The following KCNJ9 variants were observed in gnomAD, a reference collection of about 807,000 sequenced individuals.
KCNJ9 encodes the protein G protein-activated inward rectifier potassium channel 3.
A neutral mutation model predicts 27.9 loss-of-function variants in KCNJ9; 18 were observed. The ratio of observed to expected loss-of-function variants is 0.65; its 90% CI spans 0.45 to 0.96. The LOEUF is 0.96. Among genes scored for constraint, KCNJ9 ranks in the 40% least tolerant of loss-of-function variants. KCNJ9 has a pLI of 0.00. For missense variants in KCNJ9, 324 were observed against 557.5 expected (o/e 0.58, Z 4.22); for synonymous variants, 229 against 248.2 (o/e 0.92, Z 0.73).
chr1:160,086,787 C>A (rs562555893), intron 2 of KCNJ9, among the ~76,000 whole-genome samples: 1 of 152,290 alleles, frequency 6.6e-6, no homozygotes, highest in African/African-American at 2.4e-5. Context: ...GAGCAGGCCA[C>A]AGTTGGAAAA....
chr1:160,088,071 C>G lies in KCNJ9; in HGVS notation c.*254C>G, dbSNP rs1314713992. On this transcript the variant is annotated 3_prime_UTR_variant, in exon 3 of 3. Coordinates refer to ENST00000368088, the MANE Select transcript of KCNJ9 (RefSeq NM_004983.3). Reference sequence around the variant, plus strand: ...TCTGTGTTTGACCTTCACATTTGTTCATGAGTGGATGGATGGACAGAATGA... The same window carrying G: ...TCTGTGTTTGACCTTCACATTTGTTGATGAGTGGATGGATGGACAGAATGA... 1.7e-5 allele frequency: 7 copies of G among 401,926 alleles called. No homozygotes were observed. The highest frequency in any genetic ancestry group is 6.2e-4 in the Middle Eastern group (1 of 1,614). 24.9% of individuals were successfully genotyped at this position (401,926 alleles called of 1,614,324 possible). A position where few individuals can be genotyped will look rare whatever the true frequency, so the allele number is the denominator to read the frequency against.
intron 1 of KCNJ9, among the ~76,000 whole-genome samples, chr1:160,083,514 G>A (rs1649717358): frequency 6.6e-6 from 1 of 152,086 alleles, no homozygotes; most frequent in South Asian, 2.1e-4. Flanking sequence ...AGGGCAGGGA[G>A]GGCTCCATTA....
chr1:160,087,372 G>C lies in KCNJ9; in HGVS notation c.851-114G>C, dbSNP rs796467949. 1.2e-5 allele frequency: 16 copies of C among 1,383,116 alleles called. No individual in the cohort carries two copies. In the African/African-American group the frequency reaches 2.2e-4, roughly 19 times the overall value. 85.7% of individuals were successfully genotyped at this position (1,383,116 alleles called of 1,614,324 possible). On this transcript the variant is annotated intron_variant, in intron 2 of 2. Coordinates refer to ENST00000368088, the MANE Select transcript of KCNJ9 (RefSeq NM_004983.3). ...GAAATGGACTGGACCAAAGGGAGGT[G>C]GGAGCCCTTAGGAAGGAATAGAAGG...
At chr1:160,086,589 A>C (rs1040161888) in intron 2 of KCNJ9, among the ~76,000 whole-genome samples, 18 of 152,252 alleles carry the variant, frequency 1.2e-4, no homozygotes, top group African/African-American at 3.4e-4. Context: ...CTTTAAAAAA[A>C]TCACTTATGT....
At position 160,084,616 on chromosome 1, in the gene KCNJ9, C is replaced by T. The variant is rs866523854; in HGVS notation, c.586C>T (p.Arg196Cys). Residue 196 changes from arginine to cysteine, a missense_variant, in exon 2 of 3, where the codon CGC becomes TGC. Arg to Cys is a radical substitution (Grantham distance 180). Coordinates refer to ENST00000368088, the MANE Select transcript of KCNJ9 (RefSeq NM_004983.3). ...CCTCATGTTCCGCGTGGGCGACTTG[C>T]GCTCCTCACACATAGTGGAGGCCTC... ...LCLMFRVGDL[R>C]SSHIVEASIR... 1 of 1,607,464 alleles carries T rather than the reference C, an allele frequency of 6.2e-7. No homozygotes were observed. Among genetic ancestry groups the T allele is most frequent in the South Asian group, 1.1e-5 (1 of 90,084 alleles).
Position 160,084,866 on chromosome 1 carries a change from T to G in KCNJ9, c.836T>G (p.Met279Arg). The G allele has an allele frequency of 6.6e-7, 1 of 1,516,276 alleles. No individual in the cohort carries two copies. Among genetic ancestry groups the G allele is most frequent in the Non-Finnish European group, 8.8e-7 (1 of 1,130,298 alleles). 93.9% of individuals were successfully genotyped at this position (1,516,276 alleles called of 1,614,324 possible). A position where few individuals can be genotyped will look rare whatever the true frequency, so the allele number is the denominator to read the frequency against. Residue 279 changes from methionine to arginine, a missense_variant, in exon 2 of 3, where the codon ATG becomes AGG. Physicochemically the swap from Met to Arg is moderately conservative, Grantham distance 91. This residue lies in a region of KCNJ9 where 241 missense variants were observed against 481.7 expected (regional missense o/e 0.50). Coordinates refer to ENST00000368088, the MANE Select transcript of KCNJ9 (RefSeq NM_004983.3). ...GAGATCGTCGTTATCCTCGAGGGCA[T>G]GGTGGAAGCCACGGGTGCGAGCAGG... is the stretch of plus-strand genomic sequence containing the variant. ...DFEIVVILEG[M>R]VEATGMTCQA...
chr1:160,082,272 C>G (rs1649691246), intron 1 of KCNJ9, among the ~76,000 whole-genome samples: 1 of 152,168 alleles, frequency 6.6e-6, no homozygotes, highest in Non-Finnish European at 1.5e-5. Context: ...TTCTGCATGA[C>G]CTGGGGTCTC....
intron 2 of KCNJ9, 106 bp downstream of exon 2, chr1:160,084,986 G>A (rs2101946269): frequency 7.9e-7 from 1 of 1,269,732 alleles, no homozygotes; most frequent in Non-Finnish European, 1.1e-6. Context: ...GATGGATGGA[G>A]GGGCTGGTGG....
At chr1:160,087,257 A>AG (rs1649792061) in intron 2 of KCNJ9, among the ~76,000 whole-genome samples, 1 of 151,956 alleles carries the variant, frequency 6.6e-6, no homozygotes, top group Non-Finnish European at 1.5e-5. Flanking sequence ...AAATGACAGG[A>AG]GGGGAAAAAA....
intron 2 of KCNJ9, among the ~76,000 whole-genome samples, chr1:160,086,394 G>A (rs1198561135): frequency 6.6e-6 from 1 of 152,196 alleles, no homozygotes; most frequent in Non-Finnish European, 1.5e-5. Flanking sequence ...CGGGCAGGGA[G>A]GACCAGGACA....
At position 160,084,665 on chromosome 1, in the gene KCNJ9, C is replaced by T. The variant is rs1177979618; in HGVS notation, c.635C>T (p.Ser212Leu). ...EASIRAKLIR[S>L]RQTLEGEFIP... is the part of the protein sequence containing the mutation. ...TCCATCCGCGCCAAGCTCATCCGCT[C>T]GCGCCAGACGCTGGAGGGCGAGTTC... The change falls in exon 2 of 3, where the codon TCG becomes TTG. Residue 212 changes from serine (S) to leucine (L), a missense_variant. Ser to Leu is a moderately radical substitution (Grantham distance 145, BLOSUM62 -2). Transcript: ENST00000368088. 1.3e-6 allele frequency: 2 copies of T among 1,595,024 alleles called. No individual in the cohort carries two copies. Among genetic ancestry groups the T allele is most frequent in the African/African-American group, 1.3e-5 (1 of 74,420 alleles).
intron 2 of KCNJ9, among the ~76,000 whole-genome samples, chr1:160,086,695 G>C (rs1374141872): frequency 6.6e-6 from 1 of 152,324 alleles, no homozygotes; most frequent in African/African-American, 2.4e-5. Context: ...CCTCCAAAAT[G>C]ATTATGTAAT....
intron 1 of KCNJ9, among the ~76,000 whole-genome samples, chr1:160,083,090 G>A (rs767652678): frequency 1.3e-5 from 2 of 152,158 alleles, no homozygotes; most frequent in East Asian, 1.9e-4. Context: ...AGAGGGATAC[G>A]AGCCTAACTC....
chr1:160,086,934 G>A (rs1353540068), intron 2 of KCNJ9, among the ~76,000 whole-genome samples: 2 of 152,222 alleles, frequency 1.3e-5, no homozygotes, highest in Non-Finnish European at 2.9e-5. Context: ...GAGAAAACAT[G>A]AGGGAATCTG....
At position 160,083,987 on chromosome 1, in the gene KCNJ9, G is replaced by T. The variant is rs545375299; in HGVS notation, c.-44G>T. ...GCAGGTGGCAGCAGCTCGGGCCCCC[G>T]CCGCACTCCAGGCGCCCGCAGCGCT... is the stretch of plus-strand genomic sequence containing the variant. On this transcript the variant is annotated 5_prime_UTR_variant, in exon 2 of 3. Transcript: ENST00000368088. 9 of 1,228,946 alleles carry T rather than the reference G, an allele frequency of 7.3e-6. No individual in the cohort carries two copies. The African/African-American group carries it at 1.3e-4, about 17-fold the overall frequency. 76.1% of individuals were successfully genotyped at this position (1,228,946 alleles called of 1,614,324 possible).
Position 160,084,446 on chromosome 1 carries a change from T to C in KCNJ9, c.416T>C (p.Leu139Pro). The change falls in exon 2 of 3, where the codon CTG (leucine) becomes CCG (proline). Residue 139 changes from leucine to proline, a missense_variant. By Grantham distance (98) the Leu-to-Pro change is moderately conservative. Transcript: ENST00000368088. ...TDQCPEGIVL[L>P]LLQAILGSMV... The stretch of plus-strand genomic sequence containing the variant: ...CAGTGCCCCGAGGGCATCGTGCTGC[T>C]GCTGCTGCAGGCCATCCTGGGCTCC... The C allele has an allele frequency of 6.2e-7, 1 of 1,613,734 alleles. No individual in the cohort carries two copies. The highest frequency in any genetic ancestry group is 8.5e-7 in the Non-Finnish European group (1 of 1,179,902).
In KCNJ9 at chr1:160,088,269, G is replaced by A. The variant is rs1649822663; in HGVS notation, c.*452G>A. The A allele has an allele frequency of 6.5e-6, 1 of 154,610 alleles. No homozygotes were observed. Among genetic ancestry groups the A allele is most frequent in the Admixed American group, 6.5e-5 (1 of 15,338 alleles). 9.6% of individuals were successfully genotyped at this position (154,610 alleles called of 1,614,324 possible). The stretch of plus-strand genomic sequence containing the variant: ...TCCAGACAGATACAGCCCCAAACCA[G>A]GGTGCATGGCTTGGGGAGCAGAGTA... On this transcript the variant is annotated 3_prime_UTR_variant, in exon 3 of 3. Coordinates refer to ENST00000368088, the MANE Select transcript of KCNJ9 (RefSeq NM_004983.3).
rs1467784139 is a variant in KCNJ9, at chr1:160,088,756, A to C, written c.*939A>C. On this transcript the variant is annotated 3_prime_UTR_variant, in exon 3 of 3. Coordinates refer to ENST00000368088, the MANE Select transcript of KCNJ9 (RefSeq NM_004983.3). ...GTGTCCTTGGGGCACAGTCATTCAC[A>C]TCACTGATTGGGTGCCATGTGGAGT... is the stretch of plus-strand genomic sequence containing the variant. The C allele has an allele frequency of 6.6e-6, 1 of 152,238 alleles. No individual in the cohort carries two copies. Among genetic ancestry groups the C allele is most frequent in the Non-Finnish European group, 1.5e-5 (1 of 68,060 alleles). The allele number at this position is 152,238 out of a possible 1,614,324, so 9.4% of individuals were successfully genotyped here. A position where few individuals can be genotyped will look rare whatever the true frequency, so the allele number is the denominator to read the frequency against.
In KCNJ9 at chr1:160,084,714, C is replaced by T. The variant is rs756628578; in HGVS notation, c.684C>T (p.Leu228=). 8.2e-6 allele frequency: 13 copies of T among 1,590,412 alleles called. No individual in the cohort carries two copies. The South Asian group carries it at 1.4e-4, about 17-fold the overall frequency. Residue 228 remains leucine, a synonymous_variant, in exon 2 of 3, where the codon CTC becomes CTT. Transcript: ENST00000368088. ...GEFIPLHQTD[L]SVGFDTGDDR... Reference sequence around the variant, plus strand: ...TCATCCCGCTGCACCAGACCGACCTCAGCGTGGGCTTCGACACGGGAGACG... The same window carrying T: ...TCATCCCGCTGCACCAGACCGACCTTAGCGTGGGCTTCGACACGGGAGACG...
Sources: gnomAD v4.1 joint callset for allele counts (sites outside exome capture counted in the v4.1 genomes callset) on GRCh38, gnomAD v4.1.1 for gene constraint, gnomAD v4.1.1 regional missense constraint, MANE v1.5 for transcripts, NCBI Gene and HGNC (gene_info 2026-07-23, HGNC 2026-07-21) for gene names.